The following GABRB1 variants were observed in gnomAD, a reference collection of about 807,000 sequenced individuals.
GABRB1 encodes gamma-aminobutyric acid type A receptor subunit beta1, also known as gamma-aminobutyric acid receptor subunit beta-1.
GABRB1 carries 17 observed loss-of-function variants against 51.6 expected under a neutral mutation model. That is an observed-to-expected ratio of 0.33 (90% CI 0.23 to 0.49). GABRB1 has a LOEUF of 0.49. Ranked by LOEUF, GABRB1 falls within the 20% of genes least tolerant of loss-of-function variation. The probability of loss-of-function intolerance (pLI) is 0.99; values close to 1 mark genes in which losing one functional copy is unlikely to be tolerated. For synonymous variants in GABRB1, 247 were observed against 218.9 expected, an observed-to-expected ratio of 1.13 and a Z score of -1.14; for missense variants, 410 against 600.6, an observed-to-expected ratio of 0.68 and a Z score of 3.32.
At chr4:47,272,084 C>T (rs1366146827) in intron 4 of GABRB1, among the ~76,000 whole-genome samples, 1 of 152,196 alleles carries the variant, frequency 6.6e-6, no homozygotes, top group East Asian at 1.9e-4. Flanking sequence ...GTGTTCCTCT[C>T]TTTTGGAAAG....
At chr4:47,012,841 A>C (rs1447526261) in intron 1 of GABRB1, among the ~76,000 whole-genome samples, 4 of 152,330 alleles carry the variant, frequency 2.6e-5, no homozygotes, top group Non-Finnish European at 5.9e-5. Flanking sequence ...GTAACCTATG[A>C]CATTTCTTTT....
rs1376561401 is a variant in GABRB1 at position 47,071,022 on chromosome 4, C to T, written c.240+38538C>T. Reference sequence around the variant, plus strand: ...GCTACTGTGACCTAGACTTCTCGTCCTACAATTTTTCTTATCTCAGCAAGA... The same window carrying T: ...GCTACTGTGACCTAGACTTCTCGTCTTACAATTTTTCTTATCTCAGCAAGA... On this transcript the variant is annotated intron_variant, in intron 3 of 8. Transcript: ENST00000295454. 4.6e-5 allele frequency among the ~76,000 whole-genome samples: 7 copies of T among 152,162 alleles called. No individual in the cohort carries two copies. In the East Asian group the frequency reaches 1.4e-3, roughly 29 times the overall value.
chr4:47,074,736 G>A (rs921331626), intron 3 of GABRB1, among the ~76,000 whole-genome samples: 9 of 152,216 alleles, frequency 5.9e-5, no homozygotes, highest in Admixed American at 2.6e-4. Flanking sequence ...CCTAGCATGC[G>A]AATATATAGT....
At chr4:47,314,376 G>A (rs1468323626) in intron 4 of GABRB1, among the ~76,000 whole-genome samples, 2 of 151,938 alleles carry the variant, frequency 1.3e-5, no homozygotes, top group Non-Finnish European at 2.9e-5. Flanking sequence ...TGCTAAATTG[G>A]CTATGTAAAC....
chr4:47,153,763 A>T (rs992533854), intron 3 of GABRB1, among the ~76,000 whole-genome samples: 2 of 152,038 alleles, frequency 1.3e-5, no homozygotes, highest in African/African-American at 4.8e-5. Context: ...TAATTTCAAA[A>T]TTTTTCAGAA....
intron 5 of GABRB1, among the ~76,000 whole-genome samples, chr4:47,345,955 C>T (rs1184176201): frequency 6.6e-6 from 1 of 152,038 alleles, no homozygotes; most frequent in Non-Finnish European, 1.5e-5. Flanking sequence ...TCCCACAATG[C>T]CCCACATGAG....
intron 8 of GABRB1, among the ~76,000 whole-genome samples, chr4:47,407,652 G>A (rs1264285070): frequency 6.6e-6 from 1 of 152,142 alleles, no homozygotes; most frequent in African/African-American, 2.4e-5. Context: ...AGCACAGAGG[G>A]TGACAACTGT....
chr4:46,996,013 T>C (rs1037824379), intron 1 of GABRB1, among the ~76,000 whole-genome samples: 2 of 151,850 alleles, frequency 1.3e-5, no homozygotes, highest in Admixed American at 6.6e-5. Flanking sequence ...TTCAAGAAGA[T>C]ATATGTTGAA....
intron 3 of GABRB1, among the ~76,000 whole-genome samples, chr4:47,099,188 T>G (rs114776578): frequency 0.016 from 2,373 of 152,174 alleles, 52 homozygotes; most frequent in African/African-American, 0.054. Context: ...TACAGAGCAG[T>G]GCTTCTCAAA....
chr4:47,402,537 C>A (rs530874345), intron 5 of GABRB1, among the ~76,000 whole-genome samples: 1 of 152,182 alleles, frequency 6.6e-6, no homozygotes, highest in East Asian at 1.9e-4. Flanking sequence ...ATAATGATAA[C>A]CCAGCTAGAC....
At chr4:47,311,852 C>A (rs1332998918) in intron 4 of GABRB1, among the ~76,000 whole-genome samples, 1 of 152,068 alleles carries the variant, frequency 6.6e-6, no homozygotes, top group Non-Finnish European at 1.5e-5. Flanking sequence ...CTTGAACCCG[C>A]AATCCATTAT....
intron 3 of GABRB1, among the ~76,000 whole-genome samples, chr4:47,155,281 T>C (rs570661080): frequency 6.6e-6 from 1 of 152,158 alleles, no homozygotes; most frequent in South Asian, 2.1e-4. Context: ...AGGGCAGATC[T>C]CAGAGCTCAG....
At chr4:47,362,713 T>C (rs1726850486) in intron 5 of GABRB1, among the ~76,000 whole-genome samples, 1 of 152,124 alleles carries the variant, frequency 6.6e-6, no homozygotes, top group Non-Finnish European at 1.5e-5. Flanking sequence ...AAAGGAACAA[T>C]CTTTTAAGTT....
At chr4:47,099,365 A>C (rs1346143373) in intron 3 of GABRB1, among the ~76,000 whole-genome samples, 2 of 152,178 alleles carry the variant, frequency 1.3e-5, no homozygotes, top group East Asian at 3.9e-4. Flanking sequence ...AATATGAACT[A>C]TGTTGGACTT....
chr4:47,171,710 T>A (rs190661407), intron 4 of GABRB1, among the ~76,000 whole-genome samples: 2 of 152,260 alleles, frequency 1.3e-5, no homozygotes, highest in African/African-American at 4.8e-5. Context: ...AATTAAAAAA[T>A]TTGTATTCAT....
intron 4 of GABRB1, among the ~76,000 whole-genome samples, chr4:47,312,751 A>G (rs570675513): frequency 6.6e-6 from 1 of 152,228 alleles, no homozygotes; most frequent in African/African-American, 2.4e-5. Context: ...GATAAAATTC[A>G]TGATTATAGG....
chr4:47,150,256 C>A (rs1717370323), intron 3 of GABRB1, among the ~76,000 whole-genome samples: 2 of 138,386 alleles, frequency 1.4e-5, no homozygotes, highest in Admixed American at 1.5e-4. Flanking sequence ...GTGAGCATGA[C>A]AAAAGCCAAG....
intron 5 of GABRB1, among the ~76,000 whole-genome samples, chr4:47,387,455 G>T (rs1397530949): frequency 6.6e-6 from 1 of 152,184 alleles, no homozygotes. Flanking sequence ...CTGGGCCACA[G>T]AGTGAGACTC....
chr4:47,180,403 A>G (rs1464760128), intron 4 of GABRB1, among the ~76,000 whole-genome samples: 1 of 152,118 alleles, frequency 6.6e-6, no homozygotes, highest in Admixed American at 6.6e-5. Flanking sequence ...GATAAAAAAC[A>G]TTAATGTTAA....
Sources: allele counts gnomAD v4.1 joint callset (sites outside exome capture counted in the v4.1 genomes callset), GRCh38; gene constraint gnomAD v4.1.1; transcripts MANE v1.5; gene names NCBI Gene and HGNC (gene_info 2026-07-23, HGNC 2026-07-21).